The following NCOR2 variants were observed in gnomAD, a reference collection of about 807,000 sequenced individuals.
NCOR2 encodes nuclear receptor corepressor 2, also known as CTG repeat protein 26.
NCOR2 carries 81 observed loss-of-function variants against 262.9 expected under a neutral mutation model. That is an observed-to-expected ratio of 0.31 (90% CI 0.26 to 0.37). The LOEUF (loss-of-function observed/expected upper bound fraction) is 0.37. NCOR2 is among the 10% of genes least tolerant of loss of function. NCOR2 has a pLI of 1.00. For missense variants in NCOR2, 3,385 were observed against 3,621.4 expected, an observed-to-expected ratio of 0.93 and a Z score of 1.68; for synonymous variants, 1,659 against 1,559.3, an observed-to-expected ratio of 1.06 and a Z score of -1.51.
At chr12:124,528,275 C>T (rs190995715) in intron 1 of NCOR2, among the ~76,000 whole-genome samples, 1 of 152,324 alleles carries the variant, frequency 6.6e-6, no homozygotes, top group East Asian at 1.9e-4. Flanking sequence ...AATGACCGGG[C>T]AGGCATCCAT....
At chr12:124,409,716 C>T (rs187028316) in intron 13 of NCOR2, among the ~76,000 whole-genome samples, 310 of 152,128 alleles carry the variant, frequency 2.0e-3, no homozygotes, top group Non-Finnish European at 3.4e-3. Context: ...TGCTCTGTTG[C>T]CCAGGCTGAG....
At chr12:124,498,762 G>A (rs1181566288), upstream of NCOR2, among the ~76,000 whole-genome samples, 1 of 152,180 alleles carries the variant, frequency 6.6e-6, no homozygotes, top group African/African-American at 2.4e-5. Flanking sequence ...GGCAGACCCA[G>A]CAAAAATTCC....
rs76063811 is a variant in NCOR2, at chr12:124,350,666, C to G, written c.3765G>C (p.Leu1255Phe). ...GCAGGCTGTCCTCCCGGCCGCGGTCCAAGCGACTCGGGCTGTCCTCGCCGA... is the reference window on the plus strand; with the variant it reads ...GCAGGCTGTCCTCCCGGCCGCGGTCGAAGCGACTCGGGCTGTCCTCGCCGA... Residue 1255 changes from leucine to phenylalanine, a missense_variant, in exon 28 of 47, where the codon TTG becomes TTC. By Grantham distance (22) the Leu-to-Phe change is conservative (BLOSUM62 0). This residue lies in a region of NCOR2 where 1,615 missense variants were observed against 1,626.9 expected (regional missense o/e 0.99). Transcript: ENST00000405201. 65 of 1,613,844 alleles carry G rather than the reference C, an allele frequency of 4.0e-5. 1 individual carries two copies. The East Asian group carries it at 1.4e-3, about 34-fold the overall frequency.
At chr12:124,438,976 G>A (rs1309476147) in intron 7 of NCOR2, among the ~76,000 whole-genome samples, 16 of 83,702 alleles carry the variant, frequency 1.9e-4, no homozygotes, top group African/African-American at 5.7e-4. Flanking sequence ...GGGAGACAGA[G>A]ACCCAGAGAG....
intron 13 of NCOR2, among the ~76,000 whole-genome samples, chr12:124,417,522 G>A (rs1250330333): frequency 1.3e-5 from 2 of 152,132 alleles, no homozygotes; most frequent in Non-Finnish European, 2.9e-5. Flanking sequence ...CAGCCTCAAT[G>A]CCCCCAAACA....
intron 1 of NCOR2, among the ~76,000 whole-genome samples, chr12:124,545,361 G>A (rs1356279134): frequency 6.6e-6 from 1 of 152,192 alleles, no homozygotes; most frequent in East Asian, 1.9e-4. Context: ...CAGAGACAAG[G>A]CAGCCCCTGA....
intron 11 of NCOR2, among the ~76,000 whole-genome samples, chr12:124,424,615 TTC>T (rs1479737022): frequency 2.0e-5 from 3 of 152,194 alleles, no homozygotes; most frequent in Non-Finnish European, 4.4e-5. Flanking sequence ...ACTGTGTCCT[TTC>T]TGAGTTCGGT....
chr12:124,554,500 G>A (rs528478074), intron 1 of NCOR2, among the ~76,000 whole-genome samples: 82 of 152,212 alleles, frequency 5.4e-4, no homozygotes, highest in African/African-American at 1.7e-3. Context: ...AAAGCCAGGC[G>A]CCCCCTTCTC....
At chr12:124,338,562 C>T (rs1163371269) in intron 37 of NCOR2, among the ~76,000 whole-genome samples, 1 of 151,418 alleles carries the variant, frequency 6.6e-6, no homozygotes, top group African/African-American at 2.4e-5. Flanking sequence ...TGTGACCCCA[C>T]CCCCCTGGTG....
At chr12:124,342,218 T>C in intron 33 of NCOR2, 144 bp from the exon 36 acceptor site, 2 of 956,180 alleles carry the variant, frequency 2.1e-6, no homozygotes, top group Non-Finnish European at 3.0e-6. Context: ...AAACCAGAAC[T>C]GAGCGTCGGA....
At position 124,432,028 on chromosome 12, in the gene NCOR2, C is replaced by G. The variant is rs1205490779; in HGVS notation, c.883-1241G>C. Among the ~76,000 whole-genome samples the G allele has an allele frequency of 6.6e-6, 1 of 151,586 alleles. No individual in the cohort carries two copies. Among genetic ancestry groups the G allele is most frequent in the Non-Finnish European group, 1.5e-5 (1 of 67,880 alleles). Reference sequence around the variant, plus strand: ...CAGGCAGACATATGACAGACACACACACAGTCCATCACACAGGCAGGCAGG... The same window carrying G: ...CAGGCAGACATATGACAGACACACAGACAGTCCATCACACAGGCAGGCAGG... On this transcript the variant is annotated intron_variant, in intron 8 of 46. Transcript: ENST00000405201. This position sits in a 1 kb window ranked among gnomAD's most constrained non-coding sequence, Gnocchi z 5.1.
At chr12:124,509,380 C>G (rs900578672) in intron 1 of NCOR2, among the ~76,000 whole-genome samples, 1 of 152,216 alleles carries the variant, frequency 6.6e-6, no homozygotes, top group Non-Finnish European at 1.5e-5. Flanking sequence ...CTAACAGGGA[C>G]TGAAAGTGGG....
At chr12:124,488,948 T>A (rs1038237361) in intron 1 of NCOR2, among the ~76,000 whole-genome samples, 1 of 151,674 alleles carries the variant, frequency 6.6e-6, no homozygotes, top group East Asian at 1.9e-4. Context: ...CCTAGGAGCA[T>A]CTTGGGTGCC....
chr12:124,333,058 G>C (rs755124024), intron 42 of NCOR2, 72 bp downstream of exon 44: 11 of 1,509,874 alleles, frequency 7.3e-6, no homozygotes, highest in Non-Finnish European at 9.8e-6. Flanking sequence ...TGGCACCACG[G>C]TGGACTGGGG....
At chr12:124,527,727 A>G (rs535690213) in intron 1 of NCOR2, among the ~76,000 whole-genome samples, 1 of 152,286 alleles carries the variant, frequency 6.6e-6, no homozygotes, top group East Asian at 1.9e-4. Context: ...CCAGTCAATT[A>G]AATAAATTAT....
chr12:124,556,749 G>A (rs1161761456), intron 1 of NCOR2, among the ~76,000 whole-genome samples: 1 of 152,102 alleles, frequency 6.6e-6, no homozygotes, highest in Non-Finnish European at 1.5e-5. Context: ...TCAGGTGGCT[G>A]AGGCAGGAGA....
chr12:124,381,397 C>T (rs1474174526), intron 17 of NCOR2, among the ~76,000 whole-genome samples: 2 of 152,230 alleles, frequency 1.3e-5, no homozygotes, highest in Middle Eastern at 3.4e-3. Flanking sequence ...CCATCAATCA[C>T]TTTCTACTAC....
rs534063891 is a variant in NCOR2 at position 124,350,443 on chromosome 12, G to A, written c.3844+144C>T. 6.8e-5 allele frequency: 71 copies of A among 1,043,012 alleles called. 1 individual carries two copies. In the South Asian group the frequency reaches 1.1e-3, roughly 16 times the overall value. The allele number at this position is 1,043,012 out of a possible 1,614,324, so 64.6% of individuals were successfully genotyped here. ...GCCAACGCTTCCCTGCTGCTGGCTT[G>A]CATACCTGCAGGGATAAGGAGGTCA... On this transcript the variant is annotated intron_variant, in intron 28 of 46. Coordinates refer to ENST00000405201, the Ensembl canonical transcript of NCOR2.
chr12:124,567,052 A>C (rs1594088957), intron 1 of NCOR2, among the ~76,000 whole-genome samples: 2 of 149,960 alleles, frequency 1.3e-5, no homozygotes, highest in African/African-American at 2.5e-5. Context: ...GCCCACCCCA[A>C]CGCCACTTCC....
Sources: gnomAD v4.1 joint callset for allele counts (sites outside exome capture counted in the v4.1 genomes callset) on GRCh38, gnomAD v4.1.1 for gene constraint, gnomAD v4.1.1 regional missense constraint, Gnocchi (gnomAD v3.1) non-coding constraint, MANE v1.5 for transcripts, NCBI Gene and HGNC (gene_info 2026-07-23, HGNC 2026-07-21) for gene names.